The following JAK2 variants were observed in gnomAD, a reference collection of about 807,000 sequenced individuals.
The protein encoded by JAK2 is tyrosine-protein kinase JAK2.
A neutral mutation model predicts 139.3 loss-of-function variants in JAK2; 86 were observed. The ratio of observed to expected loss-of-function variants is 0.62; its 90% CI spans 0.52 to 0.74. JAK2 has a LOEUF of 0.74. Ranked by LOEUF, JAK2 falls within the 30% of genes least tolerant of loss-of-function variation. JAK2 has a pLI of 0.00. For missense variants in JAK2, 1,421 were observed against 1,360.3 expected (o/e 1.04, Z -0.70); for synonymous variants, 490 against 437.7 (o/e 1.12, Z -1.49).
intron 4 of JAK2, among the ~76,000 whole-genome samples, chr9:5,044,087 C>G (rs1816820591): frequency 6.6e-6 from 1 of 152,126 alleles, no homozygotes; most frequent in Non-Finnish European, 1.5e-5. Flanking sequence ...TTTCAGATTC[C>G]CTACTGATGT....
At chr9:5,041,273 GC>G in intron 4 of JAK2, 1 of 1,182,556 alleles carries the variant, frequency 8.5e-7, no homozygotes. Flanking sequence ...CCTCGGGCTG[GC>G]CAAGGGGTAC....
At chr9:5,043,588 T>C (rs565936729) in intron 4 of JAK2, among the ~76,000 whole-genome samples, 1 of 152,242 alleles carries the variant, frequency 6.6e-6, no homozygotes, top group Admixed American at 6.5e-5. Context: ...TCAGCAATTC[T>C]ACTTCTAGAT....
chr9:5,090,056 A>G (rs1820458515), intron 20 of JAK2, among the ~76,000 whole-genome samples, 193 bp downstream of exon 20: 1 of 152,234 alleles, frequency 6.6e-6, no homozygotes, highest in South Asian at 2.1e-4. Flanking sequence ...TTGGTTAAAC[A>G]TTCTTTTCAC....
In JAK2 at chr9:5,123,031, C is replaced by T. The variant is rs371960967; in HGVS notation, c.3087C>T (p.Ser1029=). The change falls in exon 23 of 25, where the codon AGC becomes AGT. Residue 1029 remains serine, a synonymous_variant. Coordinates refer to ENST00000381652, the MANE Select transcript of JAK2 (RefSeq NM_004972.4). Reference sequence around the variant, plus strand: ...ATGCTCCAGAATCACTGACAGAGAGCAAGTTTTCTGTGGCCTCAGATGTTT... The same window carrying T: ...ATGCTCCAGAATCACTGACAGAGAGTAAGTTTTCTGTGGCCTCAGATGTTT... ...FWYAPESLTE[S]KFSVASDVWS... 15 of 1,610,682 alleles carry T rather than the reference C, an allele frequency of 9.3e-6. No homozygotes were observed. Among genetic ancestry groups the T allele is most frequent in the Non-Finnish European group, 1.3e-5 (15 of 1,178,010 alleles).
intron 13 of JAK2, 122 bp from the exon 14 acceptor site, chr9:5,073,576 C>T: frequency 1.4e-6 from 1 of 740,576 alleles, no homozygotes; most frequent in Non-Finnish European, 2.3e-6. Flanking sequence ...CACATTGTAT[C>T]CTCATCTATA....
intron 20 of JAK2, 47 bp from the exon 21 acceptor site, chr9:5,090,398 AG>A (rs1383735622): frequency 7.8e-7 from 1 of 1,286,846 alleles, no homozygotes; most frequent in Non-Finnish European, 1.0e-6. Context: ...ATATTTAATC[AG>A]TATAATATGG....
chr9:5,064,549 G>T (rs1036415247), intron 8 of JAK2, among the ~76,000 whole-genome samples: 1 of 151,262 alleles, frequency 6.6e-6, no homozygotes, highest in African/African-American at 2.4e-5. Context: ...AAGAAAAAAG[G>T]AAATGCTCAT....
intron 6 of JAK2, among the ~76,000 whole-genome samples, chr9:5,051,496 G>C (rs1817411033): frequency 6.6e-6 from 1 of 152,150 alleles, no homozygotes; most frequent in Non-Finnish European, 1.5e-5. Flanking sequence ...CAGTAAATCT[G>C]AGTTGAAGCC....
chr9:5,068,187 A>C (rs1223395750), intron 10 of JAK2, among the ~76,000 whole-genome samples: 2 of 151,976 alleles, frequency 1.3e-5, no homozygotes, highest in Admixed American at 6.5e-5. Flanking sequence ...AAAAAAAAAA[A>C]AACAAGAAAG....
chr9:5,116,916 G>A (rs910198859), intron 22 of JAK2, among the ~76,000 whole-genome samples: 4 of 152,174 alleles, frequency 2.6e-5, no homozygotes, highest in African/African-American at 7.2e-5. Flanking sequence ...AAACATAACA[G>A]TACAAATAAT....
chr9:5,027,616 G>C (rs1479942179), intron 3 of JAK2, among the ~76,000 whole-genome samples: 1 of 152,144 alleles, frequency 6.6e-6, no homozygotes, highest in East Asian at 1.9e-4. Flanking sequence ...AATGCTATTT[G>C]ATAGCATTTT....
At chr9:5,048,028 TTTA>T (rs1563955743) in intron 5 of JAK2, among the ~76,000 whole-genome samples, 4 of 152,342 alleles carry the variant, frequency 2.6e-5, no homozygotes, top group Admixed American at 1.3e-4. Context: ...TAGTGAATAG[TTTA>T]TTATGTTTTT....
intron 22 of JAK2, among the ~76,000 whole-genome samples, chr9:5,105,861 T>A (rs988620820): frequency 2.0e-5 from 3 of 152,244 alleles, no homozygotes; most frequent in Non-Finnish European, 4.4e-5. Context: ...GCTAGCCATA[T>A]GTAGAAAGCT....
intron 9 of JAK2, among the ~76,000 whole-genome samples, chr9:5,065,953 G>A (rs527962500): frequency 6.6e-6 from 1 of 152,096 alleles, no homozygotes; most frequent in Non-Finnish European, 1.5e-5. Flanking sequence ...TGTACTACTT[G>A]AACTTTATGT....
chr9:5,054,933 G>C lies in JAK2; in HGVS notation c.936+49G>C. 1 of 1,335,236 alleles carries C rather than the reference G, an allele frequency of 7.5e-7. No homozygotes were observed. Among genetic ancestry groups the C allele is most frequent in the Non-Finnish European group, 1.0e-6 (1 of 973,070 alleles). The allele number at this position is 1,335,236 out of a possible 1,614,324, so 82.7% of individuals were successfully genotyped here. A position where few individuals can be genotyped will look rare whatever the true frequency, so the allele number is the denominator to read the frequency against. ...GTTCTTTGTTATTTTAAGTACAATG[G>C]AAATAAAAACAAAGTAATTTTAATC... On this transcript the variant is annotated intron_variant, in intron 7 of 24. Transcript: ENST00000381652. This position sits in a 1 kb window ranked among gnomAD's most constrained non-coding sequence, Gnocchi z 4.9.
intron 4 of JAK2, among the ~76,000 whole-genome samples, chr9:5,034,517 A>C (rs1823424802): frequency 6.6e-6 from 1 of 152,088 alleles, no homozygotes; most frequent in Non-Finnish European, 1.5e-5. Flanking sequence ...GTGTAAAAGA[A>C]CAGAAATTAT....
At chr9:5,082,907 A>G (rs550015386) in intron 19 of JAK2, among the ~76,000 whole-genome samples, 2 of 152,240 alleles carry the variant, frequency 1.3e-5, no homozygotes, top group Non-Finnish European at 2.9e-5. Context: ...GGGCAAAGCA[A>G]TTGTTCAGGG....
intron 2 of JAK2, among the ~76,000 whole-genome samples, chr9:5,002,682 TA>T (rs1463571983): frequency 2.0e-5 from 3 of 151,958 alleles, no homozygotes; most frequent in African/African-American, 4.8e-5. Context: ...TTTTACTGAT[TA>T]AAAAAATTTT....
chr9:5,126,421 C>G lies in JAK2; in HGVS notation c.3266C>G (p.Pro1089Arg). 1.9e-6 allele frequency: 3 copies of G among 1,608,724 alleles called. No individual in the cohort carries two copies. Among genetic ancestry groups the G allele is most frequent in the South Asian group, 2.2e-5 (2 of 90,728 alleles). Residue 1089 changes from proline (P) to arginine (R), a missense_variant, in exon 24 of 25, where the codon CCA (proline) becomes CGA (arginine). By Grantham distance (103) the Pro-to-Arg change is moderately radical. Coordinates refer to ENST00000381652, the MANE Select transcript of JAK2 (RefSeq NM_004972.4). ...IELLKNNGRLPRPDGCPDEIY... is the reference protein window; with the variant it reads ...IELLKNNGRLRRPDGCPDEIY... ...CTTTTGAAGAATAATGGAAGATTAC[C>G]AAGACCAGATGGATGCCCAGATGAG...
Sources: gnomAD v4.1 joint callset for allele counts (sites outside exome capture counted in the v4.1 genomes callset) on GRCh38, gnomAD v4.1.1 for gene constraint, Gnocchi (gnomAD v3.1) non-coding constraint, MANE v1.5 for transcripts, NCBI Gene and HGNC (gene_info 2026-07-23, HGNC 2026-07-21) for gene names.